The following CRYL1 variants were observed in gnomAD, a reference collection of about 807,000 sequenced individuals.
The protein encoded by CRYL1 is crystallin lambda 1, also known as lambda-crystallin homolog.
Under a neutral mutation model 36.6 loss-of-function variants are expected in CRYL1, and 29 were observed. That is an observed-to-expected ratio of 0.79 (90% confidence interval 0.59 to 1.08). The LOEUF is 1.08. Among genes scored for constraint, CRYL1 ranks in the 50% least tolerant of loss-of-function variants. CRYL1 has a pLI of 0.00. For synonymous variants in CRYL1, 152 were observed against 151.5 expected (o/e 1.00, Z -0.02); for missense variants, 411 against 407.9 (o/e 1.01, Z -0.06).
chr13:20,468,953 C>T (rs961612908), intron 3 of CRYL1, among the ~76,000 whole-genome samples: 1 of 152,060 alleles, frequency 6.6e-6, no homozygotes, highest in East Asian at 1.9e-4. Flanking sequence ...AGTCGGAGAG[C>T]GATCACCTTA....
intron 3 of CRYL1, among the ~76,000 whole-genome samples, chr13:20,456,639 A>ACACACAC (rs2032695190): frequency 3.5e-5 from 1 of 28,438 alleles, no homozygotes; most frequent in Non-Finnish European, 6.5e-5. Flanking sequence ...CACACACACA[A>ACACACAC]AGACCACGAT....
intron 3 of CRYL1, among the ~76,000 whole-genome samples, chr13:20,477,163 A>C (rs4769114): frequency 0.66 from 100,057 of 151,968 alleles, 33,696 homozygotes; most frequent in East Asian, 0.81. Flanking sequence ...TCCGTCTCAA[A>C]AACAGCAACA....
chr13:20,448,356 C>A (rs750207342), intron 3 of CRYL1, among the ~76,000 whole-genome samples: 1 of 151,932 alleles, frequency 6.6e-6, no homozygotes, highest in Admixed American at 6.6e-5. Flanking sequence ...GTAAAAGAAA[C>A]GGAATAGGAC....
chr13:20,496,474 T>C (rs1565983246), intron 2 of CRYL1, among the ~76,000 whole-genome samples: 3 of 152,214 alleles, frequency 2.0e-5, no homozygotes, highest in Non-Finnish European at 2.9e-5. Flanking sequence ...AAAATCGTTT[T>C]GGCTAGTATA....
intron 2 of CRYL1, among the ~76,000 whole-genome samples, chr13:20,493,358 C>T (rs540480483): frequency 6.6e-6 from 1 of 152,264 alleles, no homozygotes; most frequent in South Asian, 2.1e-4. Flanking sequence ...AGCGACAGGG[C>T]GGTCAGAAAT....
intron 3 of CRYL1, among the ~76,000 whole-genome samples, chr13:20,441,496 G>T (rs2032350490): frequency 6.6e-6 from 1 of 152,146 alleles, no homozygotes; most frequent in Non-Finnish European, 1.5e-5. Context: ...GTGCCCTGAC[G>T]GGAAATGGGA....
intron 7 of CRYL1, 67 bp from the exon 8 acceptor site, chr13:20,404,309 G>T (rs2031307741): frequency 2.7e-6 from 3 of 1,097,438 alleles, no homozygotes; most frequent in Admixed American, 3.7e-5. Flanking sequence ...TGTAATTATT[G>T]CTCTTGTTTA....
chr13:20,429,048 T>TCCTA (rs1403454180), intron 5 of CRYL1, among the ~76,000 whole-genome samples: 1 of 151,980 alleles, frequency 6.6e-6, no homozygotes, highest in Non-Finnish European at 1.5e-5. Context: ...GAGCAGTGAG[T>TCCTA]CCTAGTTGCC....
intron 4 of CRYL1, among the ~76,000 whole-genome samples, chr13:20,438,541 T>C (rs1386782483): frequency 2.0e-5 from 3 of 152,136 alleles, no homozygotes; most frequent in Non-Finnish European, 4.4e-5. Context: ...CTCCCATGGC[T>C]CCAAGGCATG....
intron 3 of CRYL1, among the ~76,000 whole-genome samples, chr13:20,479,024 A>G (rs1425927851): frequency 7.9e-5 from 12 of 151,920 alleles, no homozygotes; most frequent in South Asian, 2.1e-4. Context: ...GGCCTCCCCA[A>G]GTCTGTAAGG....
chr13:20,474,300 C>G (rs932920197), intron 3 of CRYL1, among the ~76,000 whole-genome samples: 1 of 152,200 alleles, frequency 6.6e-6, no homozygotes, highest in African/African-American at 2.4e-5. Context: ...GGGACCAGCG[C>G]CGGCAGCAGG....
chr13:20,433,818 C>T (rs574939982), intron 4 of CRYL1: 138 of 154,380 alleles, frequency 8.9e-4, no homozygotes, highest in Non-Finnish European at 1.1e-3. Context: ...TTTCTATGTA[C>T]AACTCACCAG....
chr13:20,498,554 A>G (rs1473233868), intron 2 of CRYL1, among the ~76,000 whole-genome samples: 2 of 152,228 alleles, frequency 1.3e-5, no homozygotes, highest in East Asian at 3.8e-4. Flanking sequence ...AAGTTTATGG[A>G]AATCTCACCT....
chr13:20,524,072 G>T (rs1293392877), intron 1 of CRYL1, among the ~76,000 whole-genome samples: 1 of 152,150 alleles, frequency 6.6e-6, no homozygotes, highest in African/African-American at 2.4e-5. Context: ...GCAAGATGGT[G>T]AGACCCCATC....
chr13:20,475,858 C>T (rs1184289940), intron 3 of CRYL1, among the ~76,000 whole-genome samples: 3 of 152,116 alleles, frequency 2.0e-5, no homozygotes, highest in Admixed American at 6.5e-5. Context: ...AGCAAAAGGC[C>T]GCAGGACGAG....
intron 3 of CRYL1, chr13:20,439,987 C>A: frequency 2.3e-6 from 1 of 440,642 alleles, no homozygotes; most frequent in Non-Finnish European, 4.1e-6. Flanking sequence ...ATTTTCTGCC[C>A]TTCCCATGAA....
intron 3 of CRYL1, among the ~76,000 whole-genome samples, chr13:20,460,558 C>T (rs2032788816): frequency 7.6e-6 from 1 of 131,522 alleles, no homozygotes. Flanking sequence ...CGGAGTCTCG[C>T]TCTGTCGCCC....
At chr13:20,457,002 A>G (rs1385490796) in intron 3 of CRYL1, among the ~76,000 whole-genome samples, 1 of 152,142 alleles carries the variant, frequency 6.6e-6, no homozygotes, top group Non-Finnish European at 1.5e-5. Flanking sequence ...CTTCCAGTGC[A>G]GACTGCCAGC....
chr13:20,479,527 G>A (rs991607606), intron 3 of CRYL1, among the ~76,000 whole-genome samples: 1 of 152,108 alleles, frequency 6.6e-6, no homozygotes, highest in African/African-American at 2.4e-5. Context: ...GGTGATATTT[G>A]ACTTAGTTGA....
Sources: allele counts gnomAD v4.1 joint callset (sites outside exome capture counted in the v4.1 genomes callset), GRCh38; gene constraint gnomAD v4.1.1; transcripts MANE v1.5; gene names NCBI Gene and HGNC (gene_info 2026-07-23, HGNC 2026-07-21).